REP15: variants seen among roughly 807,000 people sequenced by gnomAD.
The protein encoded by REP15 is RAB15 effector protein.
Under a neutral mutation model 1.1 loss-of-function variants are expected in REP15, and 1 was observed. That is an observed-to-expected ratio of 0.89 (90% CI 0.32 to 4.24). The LOEUF is 4.24. Ranked by LOEUF, REP15 falls within the 30% of genes most tolerant of loss-of-function variation. REP15 has a pLI of 0.17. For missense variants in REP15, 246 were observed against 271.9 expected, an observed-to-expected ratio of 0.90 and a Z score of 0.67; for synonymous variants, 100 against 99.7, an observed-to-expected ratio of 1.00 and a Z score of -0.02.
rs766272040 is a variant in REP15, at chr12:27,696,573, A to G, written c.11A>G (p.Lys4Arg). ...TTGGATGCAGAGAAAATGGGGCAGAAAGCATCGCAACAGTTGGCTCTGAAG... is the reference window on the plus strand; with the variant it reads ...TTGGATGCAGAGAAAATGGGGCAGAGAGCATCGCAACAGTTGGCTCTGAAG... MGQ[K>R]ASQQLALKDS... Residue 4 changes from lysine (K) to arginine (R), a missense_variant, in exon 1 of 1, where the codon AAA (lysine) becomes AGA (arginine). By Grantham distance (26) the Lys-to-Arg change is conservative. Transcript: ENST00000310791. The G allele has an allele frequency of 6.3e-7, 1 of 1,595,242 alleles. No individual in the cohort carries two copies.
chr12:27,697,106 A>G lies in REP15; in HGVS notation c.544A>G (p.Ser182Gly), dbSNP rs147302242. 1.5e-5 allele frequency: 25 copies of G among 1,614,044 alleles called. No individual in the cohort carries two copies. Among genetic ancestry groups the G allele is most frequent in the African/African-American group, 1.3e-4 (10 of 74,912 alleles). The change falls in exon 1 of 1, where the codon AGT becomes GGT. Residue 182 changes from serine to glycine, a missense_variant. Physicochemically the swap from Ser to Gly is moderately conservative, Grantham distance 56 (BLOSUM62 0). Transcript: ENST00000310791. ...PKDIRGVVLDSVKSQMVRSHL... is the reference protein window; with the variant it reads ...PKDIRGVVLDGVKSQMVRSHL... ...AGACATCAGGGGAGTTGTCCTGGAC[A>G]GTGTCAAAAGTCAGATGGTGAGGAG...
Position 27,696,628 on chromosome 12 carries a change from G to A in REP15, c.66G>A (p.Glu22=). ...GCAAAGAGGTGCCCGTCGTCTGTGA[G>A]GTGGTCAGTGAAGCTATAGTCCATG... ...KDSKEVPVVC[E]VVSEAIVHAA... is the part of the protein sequence containing the mutation. Residue 22 remains glutamate, a synonymous_variant, in exon 1 of 1, where the codon GAG becomes GAA. Transcript: ENST00000310791. The A allele has an allele frequency of 1.2e-6, 2 of 1,613,806 alleles. No individual in the cohort carries two copies. Among genetic ancestry groups the A allele is most frequent in the Non-Finnish European group, 1.7e-6 (2 of 1,179,862 alleles).
In REP15 at chr12:27,697,561, TAAA is replaced by T. The variant is rs2061742934; in HGVS notation, c.*289_*291del. 1 of 257,454 alleles carries T rather than the reference TAAA, an allele frequency of 3.9e-6. No homozygotes were observed. The highest frequency in any genetic ancestry group is 2.3e-5 in the African/African-American group (1 of 44,392). 15.9% of individuals were successfully genotyped at this position (257,454 alleles called of 1,614,324 possible). ...AATAATAAAAATGGAAGAGAGATAA[TAAA>T]GTCACATTTAAAGTTTGATTTGCAA... On this transcript the variant is annotated 3_prime_UTR_variant, in exon 1 of 1. Transcript: ENST00000310791.
chr12:27,697,141 A>G lies in REP15; in HGVS notation c.579A>G (p.Pro193=). 6.2e-7 allele frequency: 1 copy of G among 1,613,826 alleles called. No homozygotes were observed. The highest frequency in any genetic ancestry group is 8.5e-7 in the Non-Finnish European group (1 of 1,179,720). Residue 193 remains proline, a synonymous_variant, in exon 1 of 1, where the codon CCA becomes CCG. Coordinates refer to ENST00000310791, the MANE Select transcript of REP15 (RefSeq NM_001029874.3). ...GTCAGATGGTGAGGAGCCATCTGCCAGGAGGGAAGGCTGTGGCTCAGTTTG... is the reference window on the plus strand; with the variant it reads ...GTCAGATGGTGAGGAGCCATCTGCCGGGAGGGAAGGCTGTGGCTCAGTTTG... ...VKSQMVRSHL[P]GGKAVAQFVL... is the part of the protein sequence containing the mutation.
Position 27,696,731 on chromosome 12 carries a change from G to A in REP15, c.169G>A (p.Glu57Lys), listed in dbSNP as rs2061732399. ...KLCPAANTLN[E>K]IFLIHFITFC... ...CTGCCCAGCTGCAAATACTCTGAAT[G>A]AGATCTTCTTAATCCATTTCATCAC... The change falls in exon 1 of 1, where the codon GAG becomes AAG. Residue 57 changes from glutamate to lysine, a missense_variant. Physicochemically the swap from Glu to Lys is moderately conservative, Grantham distance 56. Coordinates refer to ENST00000310791, the MANE Select transcript of REP15 (RefSeq NM_001029874.3). 2 of 1,614,178 alleles carry A rather than the reference G, an allele frequency of 1.2e-6. No homozygotes were observed. The highest frequency in any genetic ancestry group is 8.5e-7 in the Non-Finnish European group (1 of 1,180,014).
Position 27,697,396 on chromosome 12 carries a change from A to G in REP15, c.*123A>G. On this transcript the variant is annotated 3_prime_UTR_variant, in exon 1 of 1. Transcript: ENST00000310791. ...TTTTCATTTGTTTTCCCATTGATTGAAAATGATTACTGGGATCAAAGTACA... is the reference window on the plus strand; with the variant it reads ...TTTTCATTTGTTTTCCCATTGATTGGAAATGATTACTGGGATCAAAGTACA... 1.6e-6 allele frequency: 1 copy of G among 622,178 alleles called. No homozygotes were observed. Among genetic ancestry groups the G allele is most frequent in the East Asian group, 2.7e-5 (1 of 36,622 alleles). 38.5% of individuals were successfully genotyped at this position (622,178 alleles called of 1,614,324 possible).
In REP15 at chr12:27,696,944, C is replaced by G. The variant is rs2061735725; in HGVS notation, c.382C>G (p.Leu128Val). 6.2e-7 allele frequency: 1 copy of G among 1,614,160 alleles called. No individual in the cohort carries two copies. Among genetic ancestry groups the G allele is most frequent in the African/African-American group, 1.3e-5 (1 of 75,046 alleles). The change falls in exon 1 of 1, where the codon CTT becomes GTT. Residue 128 changes from leucine (L) to valine (V), a missense_variant. By Grantham distance (32) the Leu-to-Val change is conservative (BLOSUM62 1). Coordinates refer to ENST00000310791, the MANE Select transcript of REP15 (RefSeq NM_001029874.3). ...PPPVESKPCD[L>V]SNPESRVEES... ...TCCTGTGGAATCTAAGCCTTGTGAC[C>G]TTTCCAATCCAGAATCAAGGGTAGA... is the stretch of plus-strand genomic sequence containing the variant.
Position 27,697,500 on chromosome 12 carries a change from A to T in REP15, c.*227A>T, listed in dbSNP as rs938497581. On this transcript the variant is annotated 3_prime_UTR_variant, in exon 1 of 1. Coordinates refer to ENST00000310791, the MANE Select transcript of REP15 (RefSeq NM_001029874.3). ...TATGATTTAAAAACAGTTCAGGAAAAGTTATAATTTAGTTTAATATTTCAT... is the reference window on the plus strand; with the variant it reads ...TATGATTTAAAAACAGTTCAGGAAATGTTATAATTTAGTTTAATATTTCAT... The T allele has an allele frequency of 7.8e-6, 3 of 384,254 alleles. No individual in the cohort carries two copies. Among genetic ancestry groups the T allele is most frequent in the African/African-American group, 4.1e-5 (2 of 48,258 alleles). 23.8% of individuals were successfully genotyped at this position (384,254 alleles called of 1,614,324 possible).
chr12:27,696,522 C>A lies in REP15; in HGVS notation c.-41C>A. The A allele has an allele frequency of 6.7e-7, 1 of 1,497,812 alleles. No homozygotes were observed. Among genetic ancestry groups the A allele is most frequent in the South Asian group, 1.2e-5 (1 of 82,132 alleles). The allele number at this position is 1,497,812 out of a possible 1,614,324, so 92.8% of individuals were successfully genotyped here. A position where few individuals can be genotyped will look rare whatever the true frequency, so the allele number is the denominator to read the frequency against. ...CTTTTACTTTGAAAAAGAAGTACGT[C>A]TGAACCAGATTCACATGTTTGATAT... is the stretch of plus-strand genomic sequence containing the variant. On this transcript the variant is annotated 5_prime_UTR_variant, in exon 1 of 1. The change creates a new upstream start codon in the 5' untranslated region. Transcript: ENST00000310791.
chr12:27,697,316 A>G lies in REP15; in HGVS notation c.*43A>G. On this transcript the variant is annotated 3_prime_UTR_variant, in exon 1 of 1. Coordinates refer to ENST00000310791, the MANE Select transcript of REP15 (RefSeq NM_001029874.3). ...TGAGTGGCCTGTAAGAGGAAAAGAA[A>G]AAAAGATTCTAATAAGCAAGCTCAC... The G allele has an allele frequency of 8.2e-7, 1 of 1,218,178 alleles. No homozygotes were observed. The highest frequency in any genetic ancestry group is 1.5e-5 in the African/African-American group (1 of 65,990). The allele number at this position is 1,218,178 out of a possible 1,614,324, so 75.5% of individuals were successfully genotyped here. A position where few individuals can be genotyped will look rare whatever the true frequency, so the allele number is the denominator to read the frequency against.
chr12:27,696,927 A>T lies in REP15; in HGVS notation c.365A>T (p.Glu122Val). The change falls in exon 1 of 1, where the codon GAA becomes GTA. Residue 122 changes from glutamate (E) to valine (V), a missense_variant. By Grantham distance (121) the Glu-to-Val change is moderately radical. Coordinates refer to ENST00000310791, the MANE Select transcript of REP15 (RefSeq NM_001029874.3). ...CAGATGTCTTCACCTCCTCCTGTGGAATCTAAGCCTTGTGACCTTTCCAAT... is the reference window on the plus strand; with the variant it reads ...CAGATGTCTTCACCTCCTCCTGTGGTATCTAAGCCTTGTGACCTTTCCAAT... ...TLQMSSPPPV[E>V]SKPCDLSNPE... 6.2e-7 allele frequency: 1 copy of T among 1,614,116 alleles called. No homozygotes were observed. The highest frequency in any genetic ancestry group is 8.5e-7 in the Non-Finnish European group (1 of 1,179,974).
rs764588164 is a variant in REP15, at chr12:27,696,782, G to T, written c.220G>T (p.Glu74Ter). Residue 74 changes from glutamate to a stop codon, truncating the protein, a stop_gained, in exon 1 of 1, where the codon GAG becomes TAG. Transcript: ENST00000310791. LOFTEE classifies it low-confidence loss of function (END_TRUNC). ...ITFCQEKGVD[E>*]WLTTTKMTKH... ...TTTCTGCCAAGAAAAGGGAGTTGAT[G>T]AGTGGCTGACCACCACCAAGATGAC... The T allele has an allele frequency of 4.4e-5, 71 of 1,613,968 alleles. No individual in the cohort carries two copies. Among genetic ancestry groups the T allele is most frequent in the Non-Finnish European group, 6.0e-5 (71 of 1,179,950 alleles).
Position 27,697,594 on chromosome 12 carries a change from A to T in REP15, c.*321A>T, listed in dbSNP as rs527929210. 9.1e-4 allele frequency: 201 copies of T among 219,956 alleles called. 8 individuals are homozygous for T. In the South Asian group the frequency reaches 0.022, roughly 24 times the overall value. 13.6% of individuals were successfully genotyped at this position (219,956 alleles called of 1,614,324 possible). On this transcript the variant is annotated 3_prime_UTR_variant, in exon 1 of 1. Transcript: ENST00000310791. ...CATTTAAAGTTTGATTTGCAAAAAA[A>T]AAGTGTCTGTTTGAAATAATAAGTC...
In REP15 at chr12:27,696,696, C is replaced by T. The variant is rs1200371148; in HGVS notation, c.134C>T (p.Pro45Leu). The change falls in exon 1 of 1, where the codon CCA becomes CTA. Residue 45 changes from proline (P) to leucine (L), a missense_variant. Transcript: ENST00000310791. ...LKEYLGFEYP[P>L]SKLCPAANTL... is the part of the protein sequence containing the mutation. ...GAGTACCTTGGATTTGAATATCCTC[C>T]AAGTAAACTCTGCCCAGCTGCAAAT... 6.2e-7 allele frequency: 1 copy of T among 1,614,082 alleles called. No homozygotes were observed.
Position 27,696,802 on chromosome 12 carries a change from GAT to G in REP15, c.241_242del (p.Met81AspfsTer43). The G allele has an allele frequency of 3.1e-6, 5 of 1,614,122 alleles. No individual in the cohort carries two copies. The highest frequency in any genetic ancestry group is 4.2e-6 in the Non-Finnish European group (5 of 1,180,014). On this transcript the variant is annotated frameshift_variant, in exon 1 of 1. Transcript: ENST00000310791. LOFTEE classifies it low-confidence loss of function (END_TRUNC). ...TTGATGAGTGGCTGACCACCACCAA[GAT>G]GACCAAGCACCAAGCCTTCCTGTTT... is the stretch of plus-strand genomic sequence containing the variant. ...GVDEWLTTTK[M>X]TKHQAFLFGA... is the part of the protein sequence containing the mutation.
rs1362328475 is a variant in REP15, at chr12:27,696,763, C to T, written c.201C>T (p.Cys67=). The change falls in exon 1 of 1, where the codon TGC becomes TGT. Residue 67 remains cysteine, a synonymous_variant. Coordinates refer to ENST00000310791, the MANE Select transcript of REP15 (RefSeq NM_001029874.3). ...TCTTAATCCATTTCATCACTTTCTG[C>T]CAAGAAAAGGGAGTTGATGAGTGGC... ...EIFLIHFITF[C]QEKGVDEWLT... is the part of the protein sequence containing the mutation. 3.1e-6 allele frequency: 5 copies of T among 1,613,884 alleles called. No individual in the cohort carries two copies. The highest frequency in any genetic ancestry group is 2.5e-6 in the Non-Finnish European group (3 of 1,179,932).
rs771729334 is a variant in REP15, at chr12:27,696,569, CA to C, written c.8del (p.Gln3ArgfsTer9). MG[Q>X]KASQQLALKD... ...ATATTTGGATGCAGAGAAAATGGGG[CA>C]GAAAGCATCGCAACAGTTGGCTCTG... is the stretch of plus-strand genomic sequence containing the variant. On this transcript the variant is annotated frameshift_variant, in exon 1 of 1. Transcript: ENST00000310791. LOFTEE classifies it low-confidence loss of function (END_TRUNC). 23 of 1,593,472 alleles carry C rather than the reference CA, an allele frequency of 1.4e-5. No homozygotes were observed. The Admixed American group carries it at 1.5e-4, about 11-fold the overall frequency.
Position 27,697,521 on chromosome 12 carries a change from TTC to T in REP15, c.*249_*250del. 3.0e-6 allele frequency: 1 copy of T among 332,702 alleles called. No homozygotes were observed. Among genetic ancestry groups the T allele is most frequent in the African/African-American group, 2.1e-5 (1 of 46,908 alleles). The allele number at this position is 332,702 out of a possible 1,614,324, so 20.6% of individuals were successfully genotyped here. A position where few individuals can be genotyped will look rare whatever the true frequency, so the allele number is the denominator to read the frequency against. ...GAAAAGTTATAATTTAGTTTAATAT[TTC>T]ATTCACTTATTCAATAATAAAAATG... On this transcript the variant is annotated 3_prime_UTR_variant, in exon 1 of 1. Transcript: ENST00000310791.
Position 27,696,733 on chromosome 12 carries a change from G to A in REP15, c.171G>A (p.Glu57=). 6.2e-7 allele frequency: 1 copy of A among 1,614,198 alleles called. No individual in the cohort carries two copies. Among genetic ancestry groups the A allele is most frequent in the Non-Finnish European group, 8.5e-7 (1 of 1,180,042 alleles). Residue 57 remains glutamate, a synonymous_variant, in exon 1 of 1, where the codon GAG becomes GAA. Coordinates refer to ENST00000310791, the MANE Select transcript of REP15 (RefSeq NM_001029874.3). The part of the protein sequence containing the change: ...KLCPAANTLN[E]IFLIHFITFC... ...GCCCAGCTGCAAATACTCTGAATGA[G>A]ATCTTCTTAATCCATTTCATCACTT...
Sources: gnomAD v4.1 joint callset for allele counts on GRCh38, gnomAD v4.1.1 for gene constraint, MANE v1.5 for transcripts, NCBI Gene and HGNC (gene_info 2026-07-23, HGNC 2026-07-21) for gene names.